GABRG2: variants seen among roughly 807,000 people sequenced by gnomAD.
GABRG2 encodes the protein gamma-aminobutyric acid receptor subunit gamma-2.
In GABRG2, 16 loss-of-function variants were observed where a neutral mutation model predicts 56.4. That is an observed-to-expected ratio of 0.28 (90% CI 0.19 to 0.43). GABRG2 has a LOEUF of 0.43. Among genes scored for constraint, GABRG2 ranks in the 20% least tolerant of loss-of-function variants. The probability of loss-of-function intolerance (pLI) is 1.00; values close to 1 mark genes in which losing one functional copy is unlikely to be tolerated. For synonymous variants in GABRG2, 208 were observed against 205.5 expected, an observed-to-expected ratio of 1.01 and a Z score of -0.10; for missense variants, 327 against 582.7, an observed-to-expected ratio of 0.56 and a Z score of 4.52.
Position 162,097,685 on chromosome 5 carries a change from T to A in GABRG2, c.375T>A (p.Arg125=), listed in dbSNP as rs767423340. Reference sequence around the variant, plus strand: ...TTGCGCAAACGTGGTATGACAGACGTTTGAAATTTAACAGCACCATTAAAG... The same window carrying A: ...TTGCGCAAACGTGGTATGACAGACGATTGAAATTTAACAGCACCATTAAAG... ...IFFAQTWYDR[R]LKFNSTIKVL... is the part of the protein sequence containing the mutation. Residue 125 remains arginine, a synonymous_variant, in exon 4 of 10, where the codon CGT becomes CGA. Transcript: ENST00000639213. The A allele has an allele frequency of 6.2e-7, 1 of 1,613,660 alleles. No individual in the cohort carries two copies. Among genetic ancestry groups the A allele is most frequent in the Non-Finnish European group, 8.5e-7 (1 of 1,179,822 alleles).
At chr5:162,098,094 A>C in intron 4 of GABRG2, 1 of 542,060 alleles carries the variant, frequency 1.8e-6, no homozygotes, top group East Asian at 3.2e-5. Context: ...AACTGCTGTG[A>C]AAACTATTTT....
rs1293535498 is a variant in GABRG2 at position 162,151,912 on chromosome 5, G to A, written c.1152+159G>A. 2.1e-5 allele frequency: 13 copies of A among 627,584 alleles called. No individual in the cohort carries two copies. The East Asian group carries it at 3.1e-4, about 15-fold the overall frequency. 38.9% of individuals were successfully genotyped at this position (627,584 alleles called of 1,614,324 possible). On this transcript the variant is annotated intron_variant, in intron 9 of 9. Coordinates refer to ENST00000639213, the MANE Select transcript of GABRG2 (RefSeq NM_198904.4). The stretch of plus-strand genomic sequence containing the variant: ...TCTACAGACTTCTAGAGTTGATTCA[G>A]CAACTATACACTAATTCACATAGGT...
chr5:162,079,449 A>T (rs1318404657), intron 1 of GABRG2, among the ~76,000 whole-genome samples: 3 of 152,174 alleles, frequency 2.0e-5, no homozygotes, highest in Admixed American at 1.3e-4. Context: ...GGTGACCTAC[A>T]CTATATTATA....
intron 9 of GABRG2, 35 bp downstream of exon 9, chr5:162,151,788 C>A (rs770755556): frequency 2.5e-6 from 4 of 1,580,354 alleles, no homozygotes; most frequent in Non-Finnish European, 1.7e-6. Flanking sequence ...TCACTGCATG[C>A]AACTGCTAAA....
Position 162,067,820 on chromosome 5 carries a change from A to G in GABRG2, c.-180A>G, listed in dbSNP as rs534235351. On this transcript the variant is annotated 5_prime_UTR_variant, in exon 1 of 10. Coordinates refer to ENST00000639213, the MANE Select transcript of GABRG2 (RefSeq NM_198904.4). The stretch of plus-strand genomic sequence containing the variant: ...ATCTGCAAGCGTTTTTGCTGATCTT[A>G]TCTCTGCCCCCTGAATATTAATTCC... The G allele has an allele frequency of 1.3e-5, 8 of 629,334 alleles. No homozygotes were observed. The highest frequency in any genetic ancestry group is 8.1e-5 in the East Asian group (3 of 36,882). The allele number at this position is 629,334 out of a possible 1,614,324, so 39.0% of individuals were successfully genotyped here.
chr5:162,106,833 C>T lies in GABRG2; in HGVS notation c.769+2807C>T, dbSNP rs182898325. On this transcript the variant is annotated intron_variant, in intron 6 of 9. Transcript: ENST00000639213. The stretch of plus-strand genomic sequence containing the variant: ...TTCATGTGGGTTTTTTTCTTGAATG[C>T]GTAATGAATTTTATTATTTTGTTTT... 1.2e-4 allele frequency among the ~76,000 whole-genome samples: 18 copies of T among 149,442 alleles called. No homozygotes were observed. In the East Asian group the frequency reaches 2.4e-3, roughly 20 times the overall value.
rs184908434 is a variant in GABRG2, at chr5:162,123,073, T to A, written c.769+19047T>A. On this transcript the variant is annotated intron_variant, in intron 6 of 9. Transcript: ENST00000639213. ...AAAACAGCTTAGAATATATTCAACATGAAAATCATTGTATATTTGAAAACA... is the reference window on the plus strand; with the variant it reads ...AAAACAGCTTAGAATATATTCAACAAGAAAATCATTGTATATTTGAAAACA... Among the ~76,000 whole-genome samples the A allele has an allele frequency of 1.1e-3, 168 of 151,824 alleles. 1 individual carries two copies. Among genetic ancestry groups the A allele is most frequent in the African/African-American group, 3.9e-3 (163 of 41,526 alleles).
At chr5:162,083,269 G>A (rs540250034) in intron 1 of GABRG2, among the ~76,000 whole-genome samples, 4 of 151,560 alleles carry the variant, frequency 2.6e-5, no homozygotes, top group Non-Finnish European at 5.9e-5. Context: ...CCTAAATATG[G>A]AACCAGCCTT....
At chr5:162,151,536 T>G in intron 8 of GABRG2, 194 bp from the exon 9 acceptor site, 1 of 522,098 alleles carries the variant, frequency 1.9e-6, no homozygotes, top group Non-Finnish European at 3.3e-6. Flanking sequence ...ATTACAAAAT[T>G]ACACTTAACT....
chr5:162,101,180 T>C, intron 4 of GABRG2, 55 bp from the exon 5 acceptor site: 2 of 1,206,268 alleles, frequency 1.7e-6, no homozygotes, highest in Non-Finnish European at 2.5e-6. Context: ...TGTGCAAATT[T>C]ACAATTTAAA....
At chr5:162,095,200 T>A (rs976238946) in intron 2 of GABRG2, among the ~76,000 whole-genome samples, 12 of 152,144 alleles carry the variant, frequency 7.9e-5, no homozygotes, top group African/African-American at 2.9e-4. Flanking sequence ...GAGAGAAAGA[T>A]GGAGAAAAGC....
At chr5:162,152,407 A>G (rs762351148) in intron 9 of GABRG2, 1 of 450,070 alleles carries the variant, frequency 2.2e-6, no homozygotes, top group South Asian at 1.7e-5. Flanking sequence ...ATTTAGTTGC[A>G]TAGAAATTTA....
At chr5:162,085,267 C>A (rs887783673) in intron 1 of GABRG2, among the ~76,000 whole-genome samples, 1 of 151,876 alleles carries the variant, frequency 6.6e-6, no homozygotes, top group East Asian at 1.9e-4. Context: ...TTAAGTGGAA[C>A]GAGGTCATCA....
chr5:162,142,349 A>C, intron 7 of GABRG2, 33 bp downstream of exon 7: 1 of 1,610,100 alleles, frequency 6.2e-7, no homozygotes, highest in Non-Finnish European at 8.5e-7. Context: ...GCAGTTTCTC[A>C]AGATAAGTAC....
At chr5:162,148,004 G>A (rs867324795) in intron 7 of GABRG2, among the ~76,000 whole-genome samples, 24 of 152,154 alleles carry the variant, frequency 1.6e-4, no homozygotes, top group African/African-American at 5.5e-4. Flanking sequence ...TATAGCAAGA[G>A]CTAGAACCTA....
intron 3 of GABRG2, among the ~76,000 whole-genome samples, chr5:162,096,537 G>A (rs929748548): frequency 2.0e-5 from 3 of 152,042 alleles, no homozygotes; most frequent in African/African-American, 7.2e-5. Context: ...GGTTGACAAA[G>A]GATTTCGTAA....
intron 1 of GABRG2, 96 bp from the exon 2 acceptor site, chr5:162,093,724 TTTCTTTTA>T (rs1760783958): frequency 3.6e-6 from 4 of 1,112,194 alleles, no homozygotes; most frequent in Non-Finnish European, 5.4e-6. Flanking sequence ...AGTTTAAACA[TTTCTTTTA>T]TCCTGTTTTA....
At position 162,151,825 on chromosome 5, in the gene GABRG2, T is replaced by C. The variant is rs1164890053; in HGVS notation, c.1152+72T>C. ...TTAACTATTAATGCTTACATGGTGT[T>C]TTATTTTGTTTTATGAGTAGACATT... On this transcript the variant is annotated intron_variant, in intron 9 of 9. Coordinates refer to ENST00000639213, the MANE Select transcript of GABRG2 (RefSeq NM_198904.4). 2.3e-6 allele frequency: 3 copies of C among 1,293,836 alleles called. No homozygotes were observed. In the African/African-American group the frequency reaches 4.4e-5, roughly 19 times the overall value. 80.1% of individuals were successfully genotyped at this position (1,293,836 alleles called of 1,614,324 possible). A position where few individuals can be genotyped will look rare whatever the true frequency, so the allele number is the denominator to read the frequency against.
chr5:162,141,017 AT>A (rs1229147332), intron 6 of GABRG2, among the ~76,000 whole-genome samples: 1 of 151,714 alleles, frequency 6.6e-6, no homozygotes, highest in East Asian at 1.9e-4. Context: ...ATTTACATAC[AT>A]TTTGCTTCTT....
Sources: allele counts gnomAD v4.1 joint callset (sites outside exome capture counted in the v4.1 genomes callset), GRCh38; gene constraint gnomAD v4.1.1; transcripts MANE v1.5; gene names NCBI Gene and HGNC (gene_info 2026-07-23, HGNC 2026-07-21).